Variants in MCC observed in about 807,000 individuals in gnomAD.
The protein encoded by MCC is MCC regulator of Wnt signaling pathway, also known as colorectal mutant cancer protein.
Under a neutral mutation model 116.2 loss-of-function variants are expected in MCC, and 90 were observed. The observed-to-expected ratio is 0.77, with a 90% CI of 0.65 to 0.92. The LOEUF is 0.92. Among genes scored for constraint, MCC ranks in the 40% least tolerant of loss-of-function variants. MCC has a pLI of 0.00. For synonymous variants in MCC, 578 were observed against 510.5 expected (o/e 1.13, Z -1.78); for missense variants, 1,516 against 1,312.2 (o/e 1.16, Z -2.40).
intron 4 of MCC, among the ~76,000 whole-genome samples, chr5:113,149,693 G>A (rs1561403947): frequency 6.6e-6 from 1 of 151,912 alleles, no homozygotes; most frequent in Non-Finnish European, 1.5e-5. Context: ...TTTAATACCA[G>A]CCTGGTATTA....
intron 1 of MCC, among the ~76,000 whole-genome samples, chr5:113,445,258 G>C (rs557501620): frequency 4.3e-4 from 65 of 152,188 alleles, no homozygotes; most frequent in African/African-American, 1.5e-3. Context: ...TCAGGCAAGA[G>C]AAATAAGTAA....
rs1365183146 is a variant in MCC, at chr5:113,373,138, C to T, written c.415+11830G>A. On this transcript the variant is annotated intron_variant, in intron 2 of 18. Transcript: ENST00000408903. ...AGCTTGCAGTGAGCCGAGATCGCGC[C>T]ACTGCACTCCAGCCTGGGGGACAGA... Among the ~76,000 whole-genome samples the T allele has an allele frequency of 3.3e-5, 5 of 151,160 alleles. No individual in the cohort carries two copies. The East Asian group carries it at 9.8e-4, about 29-fold the overall frequency.
intron 2 of MCC, among the ~76,000 whole-genome samples, chr5:113,379,276 G>A (rs989217194): frequency 6.6e-6 from 1 of 152,192 alleles, no homozygotes; most frequent in African/African-American, 2.4e-5. Flanking sequence ...GTGGCTTACA[G>A]CCTCAGTTTC....
intron 3 of MCC, among the ~76,000 whole-genome samples, chr5:113,326,340 C>A (rs1214391837): frequency 3.3e-5 from 5 of 152,150 alleles, no homozygotes; most frequent in African/African-American, 1.2e-4. Flanking sequence ...ATACCTGAGA[C>A]TGGATAATTT....
At chr5:113,216,120 T>C (rs765883673) in intron 3 of MCC, among the ~76,000 whole-genome samples, 3 of 152,340 alleles carry the variant, frequency 2.0e-5, no homozygotes, top group African/African-American at 4.8e-5. Context: ...TTTATTTACA[T>C]AGTGCCTATG....
intron 1 of MCC, among the ~76,000 whole-genome samples, chr5:113,387,483 T>C (rs977284429): frequency 4.6e-5 from 7 of 152,242 alleles, no homozygotes; most frequent in African/African-American, 1.7e-4. Flanking sequence ...TACTCTGAGT[T>C]CAGGGTTCAG....
At chr5:113,032,476 T>G (rs1034288274) in intron 17 of MCC, among the ~76,000 whole-genome samples, 1 of 152,042 alleles carries the variant, frequency 6.6e-6, no homozygotes, top group East Asian at 1.9e-4. Flanking sequence ...CTGGGTTACA[T>G]TGTTATTAAA....
intron 2 of MCC, among the ~76,000 whole-genome samples, chr5:113,346,727 T>C (rs1049831355): frequency 1.3e-5 from 2 of 152,094 alleles, no homozygotes; most frequent in Non-Finnish European, 2.9e-5. Context: ...AAGAAGGTTA[T>C]AGAACACCAA....
chr5:113,376,856 A>G (rs1481479910), intron 2 of MCC, among the ~76,000 whole-genome samples: 1 of 152,144 alleles, frequency 6.6e-6, no homozygotes, highest in African/African-American at 2.4e-5. Context: ...GGCCTGGCCA[A>G]TCAGATCACT....
chr5:113,141,456 C>A (rs1015650952), intron 5 of MCC, among the ~76,000 whole-genome samples: 4 of 152,192 alleles, frequency 2.6e-5, no homozygotes, highest in African/African-American at 9.7e-5. Context: ...TCTGTCTCTA[C>A]GTTCTATTGG....
intron 3 of MCC, among the ~76,000 whole-genome samples, chr5:113,257,681 C>T (rs764379445): frequency 4.6e-5 from 7 of 151,968 alleles, no homozygotes; most frequent in African/African-American, 9.7e-5. Context: ...TAGCTAGGGC[C>T]GCGAGTGCAC....
intron 1 of MCC, among the ~76,000 whole-genome samples, chr5:113,449,086 C>T (rs576702849): frequency 6.6e-6 from 1 of 152,318 alleles, no homozygotes; most frequent in Admixed American, 6.5e-5. Flanking sequence ...CTACAGAGGG[C>T]CAGCTGGCCT....
rs112155826 is a variant in MCC at position 113,252,432 on chromosome 5, G to A, written c.627+88087C>T. Among the ~76,000 whole-genome samples, 417 of 152,278 alleles carry A rather than the reference G, an allele frequency of 2.7e-3. 5 individuals are homozygous for A. Among genetic ancestry groups the A allele is most frequent in the African/African-American group, 9.3e-3 (387 of 41,562 alleles). Reference sequence around the variant, plus strand: ...ATGAACTCTATTGTAAACTGAGCACGTGAGGGATCTAGGTTGCAAGCTCCC... The same window carrying A: ...ATGAACTCTATTGTAAACTGAGCACATGAGGGATCTAGGTTGCAAGCTCCC... On this transcript the variant is annotated intron_variant, in intron 3 of 18. Coordinates refer to ENST00000408903, the MANE Select transcript of MCC (RefSeq NM_001085377.2).
At chr5:113,170,130 A>T (rs1760996205) in intron 3 of MCC, among the ~76,000 whole-genome samples, 1 of 152,212 alleles carries the variant, frequency 6.6e-6, no homozygotes, top group Non-Finnish European at 1.5e-5. Flanking sequence ...GCACAAAGTC[A>T]TGGGCAGGTC....
At chr5:113,151,560 T>C (rs1379892772) in intron 3 of MCC, 138 bp from the exon 4 acceptor site, 4 of 609,926 alleles carry the variant, frequency 6.6e-6, no homozygotes, top group Admixed American at 6.2e-5. Flanking sequence ...GTAAGTGTTA[T>C]GAGTTTTGGG....
At chr5:113,167,232 C>A (rs1445855589) in intron 3 of MCC, among the ~76,000 whole-genome samples, 1 of 152,138 alleles carries the variant, frequency 6.6e-6, no homozygotes, top group African/African-American at 2.4e-5. Context: ...GTGGTTATTC[C>A]AAAGGAAGCA....
intron 1 of MCC, among the ~76,000 whole-genome samples, chr5:113,450,496 C>A (rs79406636): frequency 0.022 from 3,405 of 152,186 alleles, 139 homozygotes; most frequent in African/African-American, 0.078. Flanking sequence ...GAAATGTGTG[C>A]GAACCCCAGG....
At chr5:113,297,843 G>A (rs1052861680) in intron 3 of MCC, among the ~76,000 whole-genome samples, 2 of 151,730 alleles carry the variant, frequency 1.3e-5, no homozygotes, top group Admixed American at 6.6e-5. Flanking sequence ...GAAAACAGGA[G>A]AGCTTAAAAA....
intron 12 of MCC, 86 bp from the exon 13 acceptor site, chr5:113,068,269 T>A: frequency 1.0e-6 from 1 of 967,880 alleles, no homozygotes; most frequent in Non-Finnish European, 1.6e-6. Flanking sequence ...AGGAGGCAGC[T>A]CAGGTGCTGT....
Sources: allele counts gnomAD v4.1 joint callset (sites outside exome capture counted in the v4.1 genomes callset), GRCh38; gene constraint gnomAD v4.1.1; transcripts MANE v1.5; gene names NCBI Gene and HGNC (gene_info 2026-07-23, HGNC 2026-07-21).